UBE2E3: variants seen among roughly 807,000 people sequenced by gnomAD.
The protein encoded by UBE2E3 is ubiquitin conjugating enzyme E2 E3.
UBE2E3 carries 5 observed loss-of-function variants against 23.6 expected under a neutral mutation model. The observed-to-expected ratio is 0.21, with a 90% confidence interval of 0.11 to 0.44. UBE2E3 has a LOEUF of 0.44. Ranked by LOEUF, UBE2E3 falls within the 20% of genes least tolerant of loss-of-function variation. The probability of loss-of-function intolerance (pLI) is 0.99; values close to 1 mark genes in which losing one functional copy is unlikely to be tolerated. For synonymous variants in UBE2E3, 78 were observed against 87.5 expected (o/e 0.89, Z 0.60); for missense variants, 81 against 249.8 (o/e 0.32, Z 4.55).
intron 5 of UBE2E3, 121 bp downstream of exon 5, chr2:181,060,933 A>C: frequency 3.9e-6 from 4 of 1,028,512 alleles, no homozygotes; most frequent in East Asian, 3.0e-5. Context: ...TATTCATAGA[A>C]AGATCCCCAT....
intron 5 of UBE2E3, among the ~76,000 whole-genome samples, chr2:181,061,981 A>G (rs552347089): frequency 4.8e-4 from 73 of 151,778 alleles, no homozygotes; most frequent in African/African-American, 1.7e-3. Flanking sequence ...TGACAACTCT[A>G]TATGAACTAA....
At chr2:181,051,002 A>G (rs564174001) in intron 3 of UBE2E3, among the ~76,000 whole-genome samples, 252 of 151,904 alleles carry the variant, frequency 1.7e-3, no homozygotes, top group African/African-American at 5.4e-3. Context: ...ATAAAACTAT[A>G]TATAGTTGAA....
chr2:181,003,964 A>G (rs1685063714), intron 3 of UBE2E3, among the ~76,000 whole-genome samples: 1 of 152,250 alleles, frequency 6.6e-6, no homozygotes, highest in Non-Finnish European at 1.5e-5. Flanking sequence ...AAGACAGACT[A>G]ATAAATGATG....
At chr2:181,002,240 A>G (rs1360295211) in intron 3 of UBE2E3, among the ~76,000 whole-genome samples, 1 of 152,216 alleles carries the variant, frequency 6.6e-6, no homozygotes, top group Non-Finnish European at 1.5e-5. Context: ...GCATAAGAGT[A>G]CTAGTACACA....
intron 3 of UBE2E3, among the ~76,000 whole-genome samples, chr2:181,021,602 T>TCCTTCCTTCCTCCCTC (rs1685692797): frequency 2.6e-5 from 1 of 38,130 alleles, no homozygotes; most frequent in Middle Eastern, 0.022. Context: ...CTCCCTCCCT[T>TCCTTCCTTCCTCCCTC]CCTTCCTTCC....
At chr2:180,987,418 C>G (rs2105569103) in intron 3 of UBE2E3, 3 of 1,549,004 alleles carry the variant, frequency 1.9e-6, no homozygotes, top group African/African-American at 1.4e-5. Flanking sequence ...AACTTAACCC[C>G]TAATTTCTTT....
chr2:180,984,096 A>G lies in UBE2E3; in HGVS notation c.245+3A>G. ...CTTGATCCTCCTCCTAATTGCAGGT[A>G]AGAAATGAATTTTGTTGTTTTGGTT... On this transcript the variant is annotated splice_donor_region_variant and intron_variant, in intron 3 of 5. Coordinates refer to ENST00000410062, the MANE Select transcript of UBE2E3 (RefSeq NM_006357.4). The G allele has an allele frequency of 6.2e-7, 1 of 1,610,084 alleles. No homozygotes were observed. The highest frequency in any genetic ancestry group is 8.5e-7 in the Non-Finnish European group (1 of 1,177,244).
chr2:180,987,951 G>C (rs1375335720), intron 3 of UBE2E3, among the ~76,000 whole-genome samples: 1 of 152,100 alleles, frequency 6.6e-6, no homozygotes. Context: ...ATATAAGTAG[G>C]TTTGAAAAGT....
chr2:181,034,717 G>C (rs144095472), intron 3 of UBE2E3, among the ~76,000 whole-genome samples: 15 of 152,026 alleles, frequency 9.9e-5, no homozygotes, highest in Admixed American at 9.8e-4. Context: ...TAGCATGTCA[G>C]AATACCATTT....
chr2:181,060,125 A>G (rs559824750), intron 4 of UBE2E3, among the ~76,000 whole-genome samples: 25 of 151,886 alleles, frequency 1.6e-4, no homozygotes, highest in African/African-American at 5.8e-4. Context: ...TAAAAGGCTA[A>G]GAAACAGAAA....
At chr2:181,002,405 G>T (rs1251296425) in intron 3 of UBE2E3, among the ~76,000 whole-genome samples, 2 of 152,106 alleles carry the variant, frequency 1.3e-5, no homozygotes, top group African/African-American at 4.8e-5. Context: ...GTTTAAGCTG[G>T]CAGATACCTA....
chr2:181,022,024 AAAT>A (rs1447394954), intron 3 of UBE2E3, among the ~76,000 whole-genome samples: 1 of 152,164 alleles, frequency 6.6e-6, no homozygotes, highest in Admixed American at 6.5e-5. Context: ...TGTGAAGGTA[AAAT>A]AATAATGTAC....
At chr2:180,998,670 G>A (rs1349391928) in intron 3 of UBE2E3, among the ~76,000 whole-genome samples, 4 of 152,226 alleles carry the variant, frequency 2.6e-5, no homozygotes, top group East Asian at 1.9e-4. Flanking sequence ...GGCCCTGTGC[G>A]TGAGCATGTC....
At chr2:181,015,782 G>GTA (rs902433743) in intron 3 of UBE2E3, among the ~76,000 whole-genome samples, 1 of 152,130 alleles carries the variant, frequency 6.6e-6, no homozygotes. Flanking sequence ...CTGGACTGGA[G>GTA]TATAATCACT....
intron 3 of UBE2E3, among the ~76,000 whole-genome samples, chr2:181,050,135 A>G (rs907549780): frequency 5.3e-5 from 8 of 151,910 alleles, no homozygotes; most frequent in Admixed American, 3.9e-4. Context: ...GCTTAATACA[A>G]ATTTTAGGAA....
chr2:181,062,245 A>C (rs59850603), intron 5 of UBE2E3, among the ~76,000 whole-genome samples: 2,914 of 151,626 alleles, frequency 0.019, 76 homozygotes, highest in African/African-American at 0.067. Context: ...TTTTGTTTTT[A>C]AACATCAAAA....
At chr2:180,981,019 GC>G (rs1178675377) in intron 1 of UBE2E3, 46 bp downstream of exon 1, 1 of 147,072 alleles carries the variant, frequency 6.8e-6, no homozygotes, top group African/African-American at 2.4e-5. Flanking sequence ...GGCCGGGGCG[GC>G]GGCGGCGGTG....
In UBE2E3 at chr2:180,980,680, C is replaced by T. The variant is rs1168618537; in HGVS notation, c.-319C>T. 1 of 147,250 alleles carries T rather than the reference C, an allele frequency of 6.8e-6. No homozygotes were observed. Among genetic ancestry groups the T allele is most frequent in the Non-Finnish European group, 1.5e-5 (1 of 66,264 alleles). The allele number at this position is 147,250 out of a possible 1,614,324, so 9.1% of individuals were successfully genotyped here. On this transcript the variant is annotated 5_prime_UTR_variant, in exon 1 of 6. Coordinates refer to ENST00000410062, the MANE Select transcript of UBE2E3 (RefSeq NM_006357.4). This position sits in a 1 kb window ranked among gnomAD's most constrained non-coding sequence, Gnocchi z 5.5. ...GGGAGGCTACAGCGCGCGGGGGTCTCCCGCGTCCCCTCCGCCTCGCCGGGA... is the reference window on the plus strand; with the variant it reads ...GGGAGGCTACAGCGCGCGGGGGTCTTCCGCGTCCCCTCCGCCTCGCCGGGA...
chr2:180,987,751 T>G (rs1377931873), intron 3 of UBE2E3, among the ~76,000 whole-genome samples: 2 of 152,164 alleles, frequency 1.3e-5, no homozygotes, highest in Non-Finnish European at 2.9e-5. Flanking sequence ...GGATAAATTC[T>G]GCTTTCTTCT....
Sources: allele counts gnomAD v4.1 joint callset (sites outside exome capture counted in the v4.1 genomes callset), GRCh38; gene constraint gnomAD v4.1.1; non-coding constraint Gnocchi (gnomAD v3.1); transcripts MANE v1.5; gene names NCBI Gene and HGNC (gene_info 2026-07-23, HGNC 2026-07-21).